STRN3: variants seen among roughly 807,000 people sequenced by gnomAD.
The protein encoded by STRN3 is striatin 3.
A neutral mutation model predicts 95.6 loss-of-function variants in STRN3; 29 were observed. That is an observed-to-expected ratio of 0.30 (90% CI 0.23 to 0.41). The LOEUF (loss-of-function observed/expected upper bound fraction) is 0.41, where lower values mean the gene tolerates loss of function less well. Among genes scored for constraint, STRN3 ranks in the 10% least tolerant of loss-of-function variants. The pLI, the probability that STRN3 is intolerant of heterozygous loss-of-function variation, is 1.00. For synonymous variants in STRN3, 331 were observed against 357.6 expected (o/e 0.93, Z 0.84); for missense variants, 890 against 972.1 (o/e 0.92, Z 1.12).
chr14:31,000,857 T>C (rs1483758741), intron 1 of STRN3, among the ~76,000 whole-genome samples: 6 of 148,696 alleles, frequency 4.0e-5, no homozygotes, highest in African/African-American at 2.5e-5. Flanking sequence ...AAAAAAACAA[T>C]AGGTAGAGAT....
chr14:30,982,977 A>G lies in STRN3; in HGVS notation c.283-26735T>C, dbSNP rs532505915. Among the ~76,000 whole-genome samples, 16 of 152,312 alleles carry G rather than the reference A, an allele frequency of 1.1e-4. 1 individual carries two copies. In the South Asian group the frequency reaches 3.3e-3, roughly 32 times the overall value. The stretch of plus-strand genomic sequence containing the variant: ...TAATAAAAGTTAAAACTTAAAAACT[A>G]AAAATAAATTAGAAAAATGCTACCA... On this transcript the variant is annotated intron_variant, in intron 1 of 17. Transcript: ENST00000357479.
At chr14:30,958,922 C>A (rs984555242) in intron 1 of STRN3, among the ~76,000 whole-genome samples, 2 of 152,002 alleles carry the variant, frequency 1.3e-5, no homozygotes, top group Non-Finnish European at 2.9e-5. Context: ...AAACCACACA[C>A]CAAAAAGCAA....
intron 1 of STRN3, among the ~76,000 whole-genome samples, chr14:31,008,565 A>G (rs947121903): frequency 6.6e-6 from 1 of 152,204 alleles, no homozygotes; most frequent in African/African-American, 2.4e-5. Context: ...TAGCAGCATC[A>G]TTTTTAAAAA....
intron 1 of STRN3, among the ~76,000 whole-genome samples, chr14:30,958,342 A>T (rs557808289): frequency 6.6e-6 from 1 of 152,204 alleles, no homozygotes; most frequent in Non-Finnish European, 1.5e-5. Flanking sequence ...ACAAATAAGC[A>T]GCTACATGAC....
At chr14:30,896,783 T>C (rs890798275) in intron 16 of STRN3, among the ~76,000 whole-genome samples, 5 of 152,178 alleles carry the variant, frequency 3.3e-5, no homozygotes, top group African/African-American at 7.2e-5. Context: ...TTACTCTAGA[T>C]TTCCCCAGAT....
At chr14:30,906,763 T>C (rs996356050) in intron 14 of STRN3, 114 bp downstream of exon 14, 2 of 1,151,056 alleles carry the variant, frequency 1.7e-6, no homozygotes, top group Middle Eastern at 6.0e-4. Flanking sequence ...TTTTACAAAA[T>C]TCATTCAATA....
intron 1 of STRN3, among the ~76,000 whole-genome samples, chr14:30,979,032 T>C (rs1881253435): frequency 4.8e-5 from 1 of 21,050 alleles, no homozygotes; most frequent in Admixed American, 8.9e-4. Flanking sequence ...AGACTCCATC[T>C]CAAAAAAAAA....
In STRN3 at chr14:30,947,268, A is replaced by G. The variant is rs772555173; in HGVS notation, c.543-5T>C. 3 of 1,566,362 alleles carry G rather than the reference A, an allele frequency of 1.9e-6. No homozygotes were observed. Among genetic ancestry groups the G allele is most frequent in the Non-Finnish European group, 2.6e-6 (3 of 1,161,710 alleles). ...TAACCTACTTCCTGAAGATACCTGT[A>G]AGAGAAAATAAATATTAAAATCCAC... On this transcript the variant is annotated splice_polypyrimidine_tract_variant and splice_region_variant and intron_variant, in intron 4 of 17. Coordinates refer to ENST00000357479, the MANE Select transcript of STRN3 (RefSeq NM_001083893.2).
At chr14:31,011,032 C>CT (rs1470429472) in intron 1 of STRN3, among the ~76,000 whole-genome samples, 11 of 152,158 alleles carry the variant, frequency 7.2e-5, no homozygotes, top group African/African-American at 2.2e-4. Context: ...GAGCAACACT[C>CT]TGTCTCAAAA....
At chr14:30,940,460 C>T (rs948732501) in intron 5 of STRN3, among the ~76,000 whole-genome samples, 6 of 152,172 alleles carry the variant, frequency 3.9e-5, no homozygotes, top group Non-Finnish European at 8.8e-5. Flanking sequence ...CTAAATGGAA[C>T]TCACTTTCCC....
chr14:30,935,206 T>G lies in STRN3; in HGVS notation c.945A>C (p.Glu315Asp), dbSNP rs1010465093. Reference sequence around the variant, plus strand: ...CCGAACTCCGTGCTTCTCCAGCTCCTTCACCATCTTCAGCAGTCACTAAAA... The same window carrying G: ...CCGAACTCCGTGCTTCTCCAGCTCCGTCACCATCTTCAGCAGTCACTAAAA... The part of the protein sequence containing the change: ...FDFLVTAEDG[E>D]GAGEARSSGD... The change falls in exon 7 of 18, where the codon GAA becomes GAC. Residue 315 changes from glutamate to aspartate, a missense_variant. Transcript: ENST00000357479. The G allele has an allele frequency of 6.2e-7, 1 of 1,614,150 alleles. No individual in the cohort carries two copies. Among genetic ancestry groups the G allele is most frequent in the Non-Finnish European group, 8.5e-7 (1 of 1,180,002 alleles).
chr14:30,951,437 G>A (rs1879636125), intron 3 of STRN3, among the ~76,000 whole-genome samples: 1 of 151,920 alleles, frequency 6.6e-6, no homozygotes, highest in Non-Finnish European at 1.5e-5. Flanking sequence ...TTGCCATATT[G>A]CCCAATCTGG....
At chr14:31,017,480 C>T (rs8008339) in intron 1 of STRN3, among the ~76,000 whole-genome samples, 8,448 of 149,968 alleles carry the variant, frequency 0.056, 440 homozygotes, top group East Asian at 0.21. Flanking sequence ...CCCTGGGCGA[C>T]GCAGCGAGAC....
chr14:31,011,937 T>C (rs1309854777), intron 1 of STRN3, among the ~76,000 whole-genome samples: 1 of 151,944 alleles, frequency 6.6e-6, no homozygotes, highest in Non-Finnish European at 1.5e-5. Flanking sequence ...AAAAAATTAG[T>C]TGGGCATGGT....
intron 1 of STRN3, among the ~76,000 whole-genome samples, chr14:30,992,440 A>G (rs1044999476): frequency 5.9e-5 from 9 of 151,628 alleles, no homozygotes; most frequent in Non-Finnish European, 2.9e-5. Context: ...AAGAAAAAGA[A>G]GTAAGTGTCT....
At position 30,955,327 on chromosome 14, in the gene STRN3, T is replaced by G. The variant is rs117812202; in HGVS notation, c.460+293A>C. Among the ~76,000 whole-genome samples, 1,334 of 152,312 alleles carry G rather than the reference T, an allele frequency of 8.8e-3. 6 individuals are homozygous for G. The highest frequency in any genetic ancestry group is 0.015 in the Non-Finnish European group (1,001 of 68,022). Reference sequence around the variant, plus strand: ...AACTCAAAAACAATTAACTAAAATTTTAAAATTTACTATAATACCTAACTT... The same window carrying G: ...AACTCAAAAACAATTAACTAAAATTGTAAAATTTACTATAATACCTAACTT... On this transcript the variant is annotated intron_variant, in intron 3 of 17. Transcript: ENST00000357479.
At chr14:30,936,399 GATCA>G in intron 6 of STRN3, 92 bp downstream of exon 6, 1 of 1,356,864 alleles carries the variant, frequency 7.4e-7, no homozygotes, top group South Asian at 1.5e-5. Context: ...AAGTAAAGAT[GATCA>G]ATCACTCCCA....
intron 1 of STRN3, among the ~76,000 whole-genome samples, chr14:31,003,960 C>T (rs1414476791): frequency 1.3e-5 from 2 of 151,594 alleles, no homozygotes; most frequent in Admixed American, 1.3e-4. Flanking sequence ...TAAGACCAGC[C>T]TGGACAACAG....
At chr14:31,016,810 T>G (rs951983716) in intron 1 of STRN3, among the ~76,000 whole-genome samples, 148 of 152,236 alleles carry the variant, frequency 9.7e-4, no homozygotes, top group African/African-American at 3.3e-3. Flanking sequence ...CCCAAAGTGC[T>G]GGGATTACAG....
Sources: gnomAD v4.1 joint callset for allele counts (sites outside exome capture counted in the v4.1 genomes callset) on GRCh38, gnomAD v4.1.1 for gene constraint, MANE v1.5 for transcripts, NCBI Gene and HGNC (gene_info 2026-07-23, HGNC 2026-07-21) for gene names.